Variants in KLHL13 observed in about 807,000 individuals in gnomAD.
The protein encoded by KLHL13 is kelch-like protein 13.
KLHL13 carries 10 observed loss-of-function variants against 37.1 expected under a neutral mutation model. The observed-to-expected ratio is 0.27, with a 90% CI of 0.17 to 0.46. The LOEUF is 0.46. KLHL13 is among the 20% of genes least tolerant of loss of function. The pLI is 1.00. For synonymous variants in KLHL13, 163 were observed against 181.2 expected (o/e 0.90, Z 0.81); for missense variants, 360 against 509.3 (o/e 0.71, Z 2.82).
intron 1 of KLHL13, among the ~76,000 whole-genome samples, chrX:118,070,473 C>T (rs1290457668): frequency 1.8e-5 from 2 of 111,602 alleles, no homozygotes; most frequent in African/African-American, 3.3e-5. Context: ...ATTTTCAGTC[C>T]TTTCACTAGT....
chrX:118,089,275 C>T (rs1287750109), intron 1 of KLHL13, among the ~76,000 whole-genome samples: 1 of 110,292 alleles, frequency 9.1e-6, no homozygotes, highest in East Asian at 2.9e-4. Flanking sequence ...GGCTGTGAGA[C>T]CATCCCCCTA....
chrX:117,925,467 G>A (rs1228425127), intron 2 of KLHL13, among the ~76,000 whole-genome samples: 2 of 111,878 alleles, frequency 1.8e-5, no homozygotes, highest in East Asian at 2.8e-4. Context: ...TAAATGTAAT[G>A]TATTAGATAA....
At chrX:118,001,210 A>G (rs1486926634) in intron 1 of KLHL13, among the ~76,000 whole-genome samples, 1 of 111,808 alleles carries the variant, frequency 8.9e-6, no homozygotes, top group Non-Finnish European at 1.9e-5. Flanking sequence ...CTGCCATTAG[A>G]AAACTTTCTA....
Position 118,076,132 on chromosome X carries a change from C to G in KLHL13, c.-56+40376G>C, listed in dbSNP as rs766764810. 2.7e-5 allele frequency among the ~76,000 whole-genome samples: 3 copies of G among 111,406 alleles called. No homozygotes were observed. In the East Asian group the frequency reaches 8.5e-4, roughly 31 times the overall value. On this transcript the variant is annotated intron_variant, in intron 1 of 6. Coordinates refer to the KLHL13 transcript ENST00000371882. ...ATTTATTTTACAACAGTTTTTGTCC[C>G]TTCTATTTCTTCTTCCTTAATAAAG...
rs778904481 is a variant in KLHL13, at chrX:118,083,577, C to A, written c.-56+32931G>T. On this transcript the variant is annotated intron_variant, in intron 1 of 6. Coordinates refer to the KLHL13 transcript ENST00000371882. Reference sequence around the variant, plus strand: ...AGAATAGTGGTTATCAGAGGCTGGGCGAGAGTGGGGGGCAGGTAATGAAGA... The same window carrying A: ...AGAATAGTGGTTATCAGAGGCTGGGAGAGAGTGGGGGGCAGGTAATGAAGA... Among the ~76,000 whole-genome samples the A allele has an allele frequency of 5.4e-5, 6 of 110,881 alleles. No homozygotes were observed. In the South Asian group the frequency reaches 1.9e-3, roughly 36 times the overall value.
At chrX:117,899,435 A>G (rs749289352) in intron 6 of KLHL13, 40 bp from the exon 8 acceptor site, 9 of 1,102,996 alleles carry the variant, frequency 8.2e-6, no homozygotes, top group Non-Finnish European at 1.1e-5. Flanking sequence ...AAATAATTAT[A>G]GAAATGCAAA....
At chrX:117,936,724 C>A (rs1457529955) in intron 2 of KLHL13, among the ~76,000 whole-genome samples, 1 of 110,676 alleles carries the variant, frequency 9.0e-6, no homozygotes, top group Non-Finnish European at 1.9e-5. Flanking sequence ...CCATTAATGA[C>A]GCAGGGGCTC....
intron 5 of KLHL13, among the ~76,000 whole-genome samples, chrX:117,905,282 A>G (rs905141994): frequency 2.7e-5 from 3 of 112,205 alleles, no homozygotes; most frequent in African/African-American, 9.7e-5. Context: ...AAGATATTGG[A>G]GCTGTCATAA....
chrX:118,047,592 T>TA (rs1463843221), intron 1 of KLHL13, among the ~76,000 whole-genome samples: 9 of 112,075 alleles, frequency 8.0e-5, no homozygotes, highest in Non-Finnish European at 1.3e-4. Context: ...CAATTACTTT[T>TA]AATGACAAAA....
intron 1 of KLHL13, among the ~76,000 whole-genome samples, chrX:117,984,428 T>C (rs947020532): frequency 4.5e-5 from 5 of 111,510 alleles, no homozygotes; most frequent in African/African-American, 1.6e-4. Flanking sequence ...AAATAAACTG[T>C]CTTGGTTTTT....
In KLHL13 at chrX:117,923,607, T is replaced by C. The variant is rs185463732; in HGVS notation, c.241-3237A>G. Among the ~76,000 whole-genome samples the C allele has an allele frequency of 1.6e-3, 180 of 112,430 alleles. 1 individual carries two copies. The highest frequency in any genetic ancestry group is 3.4e-3 in the African/African-American group (106 of 31,031). Reference sequence around the variant, plus strand: ...AAATATTCCTGCAAATATTTTACAATTGGAATTGAATAATGTCAGTATGTT... The same window carrying C: ...AAATATTCCTGCAAATATTTTACAACTGGAATTGAATAATGTCAGTATGTT... On this transcript the variant is annotated intron_variant, in intron 2 of 6. Transcript: ENST00000262820.
At chrX:118,018,849 T>C (rs187545839) in intron 1 of KLHL13, among the ~76,000 whole-genome samples, 51 of 111,772 alleles carry the variant, frequency 4.6e-4, no homozygotes, top group African/African-American at 1.4e-3. Flanking sequence ...CTATTTTTTA[T>C]AACTCATTAG....
chrX:118,025,074 G>A (rs2054260349), intron 1 of KLHL13, among the ~76,000 whole-genome samples: 1 of 112,041 alleles, frequency 8.9e-6, no homozygotes, highest in Non-Finnish European at 1.9e-5. Context: ...GATACATGCA[G>A]CTATAAATTC....
rs556154674 is a variant in KLHL13 at position 118,013,731 on chromosome X, C to A, written c.-55-68156G>T. Among the ~76,000 whole-genome samples, 24 of 112,430 alleles carry A rather than the reference C, an allele frequency of 2.1e-4. No homozygotes were observed. In the South Asian group the frequency reaches 8.5e-3, roughly 40 times the overall value. On this transcript the variant is annotated intron_variant, in intron 1 of 6. Transcript: ENST00000371882. ...AAGGCACTACTACAACTAATACCCC[C>A]ATGTTGCAGGAAGTCAGAGACCCCG...
At chrX:117,922,089 T>C (rs760491785) in intron 2 of KLHL13, among the ~76,000 whole-genome samples, 41 of 111,674 alleles carry the variant, frequency 3.7e-4, no homozygotes, top group Non-Finnish European at 6.2e-4. Context: ...TTTAGAAAAG[T>C]AGAAGTAAAA....
intron 2 of KLHL13, among the ~76,000 whole-genome samples, chrX:117,930,900 AT>A (rs1932415987): frequency 8.9e-6 from 1 of 112,342 alleles, no homozygotes; most frequent in African/African-American, 3.2e-5. Flanking sequence ...AATTATCTTA[AT>A]CATTATGCCT....
intron 1 of KLHL13, among the ~76,000 whole-genome samples, chrX:118,036,572 T>C (rs1021454616): frequency 7.7e-4 from 86 of 111,797 alleles, no homozygotes; most frequent in Non-Finnish European, 1.4e-3. Flanking sequence ...CCCTTCCTTA[T>C]ACCTTATACA....
At chrX:118,081,896 C>T (rs2054998236) in intron 1 of KLHL13, among the ~76,000 whole-genome samples, 1 of 109,422 alleles carries the variant, frequency 9.1e-6, no homozygotes. Flanking sequence ...CATGATACTA[C>T]AAATGACAGG....
intron 6 of KLHL13, among the ~76,000 whole-genome samples, chrX:117,901,178 T>C (rs1569408370): frequency 2.7e-5 from 3 of 111,834 alleles, no homozygotes; most frequent in Admixed American, 1.9e-4. Context: ...TTATGTACTA[T>C]TATGCATATT....
Sources: allele counts gnomAD v4.1 joint callset (sites outside exome capture counted in the v4.1 genomes callset), GRCh38; gene constraint gnomAD v4.1.1; transcripts MANE v1.5; gene names NCBI Gene and HGNC (gene_info 2026-07-23, HGNC 2026-07-21).